The following PPP1R14B variants were observed in gnomAD, a reference collection of about 807,000 sequenced individuals.
The protein encoded by PPP1R14B is protein phosphatase 1 regulatory inhibitor subunit 14B, also known as protein phosphatase 1 regulatory subunit 14B.
Under a neutral mutation model 14.7 loss-of-function variants are expected in PPP1R14B, and 4 were observed. The ratio of observed to expected loss-of-function variants is 0.27; its 90% confidence interval spans 0.13 to 0.62. The LOEUF (loss-of-function observed/expected upper bound fraction) is 0.62, where lower values mean the gene tolerates loss of function less well. PPP1R14B is among the 20% of genes least tolerant of loss of function. The pLI, the probability that PPP1R14B is intolerant of heterozygous loss-of-function variation, is 0.85. For synonymous variants in PPP1R14B, 76 were observed against 87.3 expected, an observed-to-expected ratio of 0.87 and a Z score of 0.72; for missense variants, 138 against 201.5, an observed-to-expected ratio of 0.68 and a Z score of 1.91.
Position 64,244,580 on chromosome 11 carries a change from C to T in PPP1R14B, c.*174G>A, listed in dbSNP as rs935259513. 50 of 1,398,232 alleles carry T rather than the reference C, an allele frequency of 3.6e-5. No homozygotes were observed. The highest frequency in any genetic ancestry group is 4.7e-5 in the Non-Finnish European group (49 of 1,046,846). The allele number at this position is 1,398,232 out of a possible 1,614,324, so 86.6% of individuals were successfully genotyped here. ...CCATCAGTTTAATAACAATAAAAAA[C>T]CCCAAAAGTGGAAAACTGAGGGGGC... On this transcript the variant is annotated 3_prime_UTR_variant, in exon 4 of 4. Transcript: ENST00000309318.
chr11:64,246,267 T>C, intron 1 of PPP1R14B, 149 bp downstream of exon 1: 1 of 1,040,452 alleles, frequency 9.6e-7, no homozygotes, highest in Non-Finnish European at 1.4e-6. Context: ...AGAAAGAGTA[T>C]ATATTGGGGG....
At position 64,246,509 on chromosome 11, in the gene PPP1R14B, C is replaced by A; in HGVS notation, c.165G>T (p.Lys55Asn). The A allele has an allele frequency of 6.2e-7, 1 of 1,610,234 alleles. No individual in the cohort carries two copies. The highest frequency in any genetic ancestry group is 2.2e-5 in the East Asian group (1 of 44,828). ...CCTTGCGGTCATACTTGACGGTGACCTTCCCTTGGCGCCTCACTGGGCCCT... is the reference window on the plus strand; with the variant it reads ...CCTTGCGGTCATACTTGACGGTGACATTCCCTTGGCGCCTCACTGGGCCCT... ...DDEGPVRRQG[K>N]VTVKYDRKEL... Residue 55 changes from lysine (K) to asparagine (N), a missense_variant, in exon 1 of 4, where the codon AAG becomes AAT. Lys to Asn is a moderately conservative substitution (Grantham distance 94, BLOSUM62 0). Coordinates refer to ENST00000309318, the MANE Select transcript of PPP1R14B (RefSeq NM_138689.3).
At chr11:64,244,901 C>G in intron 3 of PPP1R14B, 29 bp downstream of exon 3, 1 of 1,611,420 alleles carries the variant, frequency 6.2e-7, no homozygotes, top group Non-Finnish European at 8.5e-7. Flanking sequence ...ACCCTGCCAC[C>G]CCCGCCAGCC....
intron 2 of PPP1R14B, 109 bp from the exon 3 acceptor site, chr11:64,245,071 G>A: frequency 6.9e-7 from 1 of 1,454,912 alleles, no homozygotes; most frequent in Middle Eastern, 2.0e-4. Flanking sequence ...CACAGGAGAT[G>A]CCACAACAAC....
chr11:64,246,173 G>T (rs992819234), intron 1 of PPP1R14B: 1 of 548,666 alleles, frequency 1.8e-6, no homozygotes, highest in Admixed American at 3.3e-5. Flanking sequence ...GCGTCTGGAG[G>T]ACACTAGGCT....
At chr11:64,245,567 C>T in intron 1 of PPP1R14B, 1 of 436,738 alleles carries the variant, frequency 2.3e-6, no homozygotes, top group South Asian at 3.9e-5. Flanking sequence ...GGCTGGGAAC[C>T]CAGCAGATGT....
chr11:64,246,088 C>T, intron 1 of PPP1R14B: 2 of 319,716 alleles, frequency 6.3e-6, no homozygotes, highest in Non-Finnish European at 1.2e-5. Context: ...GGGCACCAGG[C>T]GGTGAGACCT....
At position 64,244,910 on chromosome 11, in the gene PPP1R14B, C is replaced by G. The variant is rs763120852; in HGVS notation, c.375+20G>C. 4.3e-6 allele frequency: 7 copies of G among 1,611,338 alleles called. No individual in the cohort carries two copies. The highest frequency in any genetic ancestry group is 4.2e-6 in the Non-Finnish European group (5 of 1,177,988). On this transcript the variant is annotated intron_variant, in intron 3 of 3. Transcript: ENST00000309318. ...CCCCTCACCCTGCCACCCCCGCCAG[C>G]CCCCCAGGAAATCTCTTACCTCTGT...
chr11:64,246,195 G>C, intron 1 of PPP1R14B: 1 of 605,156 alleles, frequency 1.7e-6, no homozygotes, highest in East Asian at 3.0e-5. Context: ...GACCTGGGGA[G>C]TGGCATGATG....
rs962815800 is a variant in PPP1R14B, at chr11:64,246,803, G to A, written c.-130C>T. On this transcript the variant is annotated 5_prime_UTR_variant, in exon 1 of 4. Coordinates refer to ENST00000309318, the MANE Select transcript of PPP1R14B (RefSeq NM_138689.3). ...GGCTCCGCGGCGAGGGCGGCGGCGG[G>A]GGCGCCCGGGGGCAGCTGCAGCATG... The A allele has an allele frequency of 1.1e-5, 8 of 734,504 alleles. No individual in the cohort carries two copies. The African/African-American group carries it at 1.6e-4, about 14-fold the overall frequency. 45.5% of individuals were successfully genotyped at this position (734,504 alleles called of 1,614,324 possible). A position where few individuals can be genotyped will look rare whatever the true frequency, so the allele number is the denominator to read the frequency against.
intron 1 of PPP1R14B, 41 bp from the exon 2 acceptor site, chr11:64,245,328 A>G (rs1381092058): frequency 6.4e-7 from 1 of 1,561,714 alleles, no homozygotes; most frequent in African/African-American, 1.4e-5. Context: ...CATAAGCCTG[A>G]GTTGGAGAGA....
At chr11:64,245,472 C>T (rs1009695855) in intron 1 of PPP1R14B, 185 bp from the exon 2 acceptor site, 4 of 202,702 alleles carry the variant, frequency 2.0e-5, no homozygotes, top group African/African-American at 7.5e-5. Context: ...CTGCCCAAAG[C>T]GGGGTGGGGG....
intron 1 of PPP1R14B, chr11:64,246,132 C>T: frequency 4.5e-6 from 2 of 440,762 alleles, no homozygotes; most frequent in Non-Finnish European, 8.2e-6. Context: ...GCCCCCTTGC[C>T]TCTTGCCCAA....
chr11:64,245,328 A>T (rs1381092058), intron 1 of PPP1R14B, 41 bp from the exon 2 acceptor site: 2 of 1,561,716 alleles, frequency 1.3e-6, no homozygotes, highest in Middle Eastern at 1.7e-4. Context: ...CATAAGCCTG[A>T]GTTGGAGAGA....
At position 64,246,737 on chromosome 11, in the gene PPP1R14B, C is replaced by A. The variant is rs980125274; in HGVS notation, c.-64G>T. On this transcript the variant is annotated 5_prime_UTR_variant, in exon 1 of 4. Transcript: ENST00000309318. ...CCTGCGCCACCGCCTCCGGGACGCCCGCCGGCTGGCTCGGGTTAGCTCGCC... is the reference window on the plus strand; with the variant it reads ...CCTGCGCCACCGCCTCCGGGACGCCAGCCGGCTGGCTCGGGTTAGCTCGCC... 4.5e-5 allele frequency: 45 copies of A among 994,084 alleles called. No homozygotes were observed. Among genetic ancestry groups the A allele is most frequent in the Admixed American group, 6.1e-5 (1 of 16,368 alleles). 61.6% of individuals were successfully genotyped at this position (994,084 alleles called of 1,614,324 possible).
Position 64,246,469 on chromosome 11 carries a change from G to GTA in PPP1R14B, c.204_205insTA (p.Leu69TyrfsTer4). ...TCCAGGATCCACTCCTCTAGGTTGA[G>GTA]GCGCTTCCGTAGCTCCTTGCGGTCA... On this transcript the variant is annotated frameshift_variant, in exon 1 of 4. Coordinates refer to ENST00000309318, the MANE Select transcript of PPP1R14B (RefSeq NM_138689.3). LOFTEE classifies it high-confidence loss of function. 6.2e-7 allele frequency: 1 copy of GTA among 1,609,956 alleles called. No homozygotes were observed. Among genetic ancestry groups the GTA allele is most frequent in the Non-Finnish European group, 8.5e-7 (1 of 1,179,096 alleles).
At position 64,244,974 on chromosome 11, in the gene PPP1R14B, T is replaced by TG. The variant is rs1289022934; in HGVS notation, c.343-13dup. ...TCAACCAGCAGCTCCTAGCAGAGGA[T>TG]GGGGGAGGAAGGATAAGTGAGTCCT... On this transcript the variant is annotated splice_polypyrimidine_tract_variant and intron_variant, in intron 2 of 3. Transcript: ENST00000309318. 2.5e-6 allele frequency: 4 copies of TG among 1,609,198 alleles called. No homozygotes were observed. Among genetic ancestry groups the TG allele is most frequent in the Non-Finnish European group, 8.5e-7 (1 of 1,177,006 alleles).
chr11:64,246,352 T>C, intron 1 of PPP1R14B, 64 bp downstream of exon 1: 1 of 1,547,652 alleles, frequency 6.5e-7, no homozygotes, highest in East Asian at 2.4e-5. Context: ...GAGCTCACAG[T>C]GGAGCTGCCA....
chr11:64,245,128 C>A, intron 2 of PPP1R14B, 76 bp downstream of exon 2: 1 of 1,538,506 alleles, frequency 6.5e-7, no homozygotes, highest in African/African-American at 1.4e-5. Context: ...GGAGCTGGGG[C>A]TTGAGGGCCT....
Sources: gnomAD v4.1 joint callset for allele counts on GRCh38, gnomAD v4.1.1 for gene constraint, MANE v1.5 for transcripts, NCBI Gene and HGNC (gene_info 2026-07-23, HGNC 2026-07-21) for gene names.